Variants in LYRM4 observed in about 807,000 individuals in gnomAD.
LYRM4 encodes LYR motif-containing protein 4.
In LYRM4, 9 loss-of-function variants were observed where a neutral mutation model predicts 11.7. That is an observed-to-expected ratio of 0.77 (90% CI 0.46 to 1.34). The LOEUF is 1.34. Ranked by LOEUF, LYRM4 falls within the 40% of genes most tolerant of loss-of-function variation. The pLI, the probability that LYRM4 is intolerant of heterozygous loss-of-function variation, is 0.00. For synonymous variants in LYRM4, 42 were observed against 40.4 expected (o/e 1.04, Z -0.15); for missense variants, 133 against 112.5 (o/e 1.18, Z -0.82).
intron 2 of LYRM4, among the ~76,000 whole-genome samples, chr6:5,193,635 T>C (rs1187113064): frequency 2.0e-5 from 3 of 152,226 alleles, no homozygotes; most frequent in Non-Finnish European, 4.4e-5. Flanking sequence ...ACTAAAGCTG[T>C]TCTCTAATTA....
intron 1 of LYRM4, among the ~76,000 whole-genome samples, chr6:5,227,969 A>G (rs192644273): frequency 5.7e-4 from 87 of 152,124 alleles, no homozygotes; most frequent in Middle Eastern, 6.8e-3. Flanking sequence ...AACATCACAC[A>G]CCAGGACCTG....
intron 1 of LYRM4, among the ~76,000 whole-genome samples, chr6:5,220,831 G>A (rs555708186): frequency 3.3e-5 from 5 of 152,094 alleles, no homozygotes; most frequent in Non-Finnish European, 7.4e-5. Context: ...CAGACCTCCA[G>A]TTTTAGGTTT....
intron 2 of LYRM4, chr6:5,148,314 G>T (rs1350575731): frequency 6.5e-6 from 1 of 154,898 alleles, no homozygotes; most frequent in Non-Finnish European, 1.5e-5. Context: ...CCACTACCCA[G>T]TGCCTCAATA....
chr6:5,062,521 A>G, the LYRM4 span, among the ~76,000 whole-genome samples: 1 of 151,624 alleles, frequency 6.6e-6, no homozygotes, highest in South Asian at 2.1e-4. Flanking sequence ...CTTCCACATC[A>G]TTGTTTTATT....
intron 2 of LYRM4, chr6:5,186,862 T>C: frequency 2.2e-6 from 1 of 464,068 alleles, no homozygotes; most frequent in Non-Finnish European, 3.6e-6. Flanking sequence ...CGTGCGCCTA[T>C]AATCCCAGCT....
the LYRM4 span, among the ~76,000 whole-genome samples, chr6:5,057,337 C>T: frequency 3.9e-5 from 6 of 152,140 alleles, no homozygotes; most frequent in African/African-American, 1.4e-4. Context: ...CCTTCCCTCT[C>T]CTCCCTGCCC....
the LYRM4 span, among the ~76,000 whole-genome samples, chr6:5,069,123 A>C: frequency 1.3e-5 from 2 of 152,186 alleles, no homozygotes; most frequent in African/African-American, 2.4e-5. Context: ...AACTTTTTGA[A>C]AACCCATTGT....
chr6:5,066,177 C>T, the LYRM4 span: 34 of 665,242 alleles, frequency 5.1e-5, no homozygotes, highest in East Asian at 1.0e-3. Context: ...CATCAAATGA[C>T]GACCAAGCCT....
At chr6:5,098,793 C>G (rs1176923160), downstream of LYRM4, among the ~76,000 whole-genome samples, 1 of 152,238 alleles carries the variant, frequency 6.6e-6, no homozygotes, top group East Asian at 1.9e-4. Flanking sequence ...AACTGTGTCT[C>G]TCCCTTGCTG....
In LYRM4 at chr6:5,239,731, C is replaced by T. The variant is rs537179119; in HGVS notation, c.86+20917G>A. On this transcript the variant is annotated intron_variant, in intron 1 of 2. Coordinates refer to ENST00000330636, the MANE Select transcript of LYRM4 (RefSeq NM_020408.6). The stretch of plus-strand genomic sequence containing the variant: ...CTGACAGCCGGGAGAGTGCACAGAC[C>T]ATTCCCACCAGCTGCAGGCTGTCAG... 9.9e-5 allele frequency among the ~76,000 whole-genome samples: 15 copies of T among 152,254 alleles called. No homozygotes were observed. The South Asian group carries it at 2.9e-3, about 29-fold the overall frequency.
At chr6:5,193,947 G>C (rs1310468375) in intron 2 of LYRM4, among the ~76,000 whole-genome samples, 2 of 151,876 alleles carry the variant, frequency 1.3e-5, no homozygotes, top group African/African-American at 4.8e-5. Flanking sequence ...CTTAATTTCA[G>C]CTGCTTTAAA....
At chr6:5,229,501 G>C (rs981649190) in intron 1 of LYRM4, among the ~76,000 whole-genome samples, 1 of 150,342 alleles carries the variant, frequency 6.7e-6, no homozygotes, top group Admixed American at 6.6e-5. Context: ...TCTCTCCAGG[G>C]CTCAGTGGGT....
chr6:5,040,480 T>C, the LYRM4 span, among the ~76,000 whole-genome samples: 24 of 150,308 alleles, frequency 1.6e-4, no homozygotes, highest in East Asian at 1.4e-3. Flanking sequence ...AGTGGGAAGA[T>C]TGCTTGAGCT....
At chr6:5,129,526 G>C (rs1408686223) in intron 2 of LYRM4, among the ~76,000 whole-genome samples, 1 of 152,092 alleles carries the variant, frequency 6.6e-6, no homozygotes, top group African/African-American at 2.4e-5. Flanking sequence ...TTCTCTCTCT[G>C]TGCAATCAAA....
the LYRM4 span, among the ~76,000 whole-genome samples, chr6:5,056,322 G>A: frequency 6.6e-6 from 1 of 152,200 alleles, no homozygotes; most frequent in Non-Finnish European, 1.5e-5. Flanking sequence ...AGGAAAGAGT[G>A]TCTTTAATGG....
In LYRM4 at chr6:5,154,107, T is replaced by C. The variant is rs181258737; in HGVS notation, c.208-44616A>G. Among the ~76,000 whole-genome samples the C allele has an allele frequency of 1.8e-3, 272 of 152,310 alleles. 1 individual carries two copies. The highest frequency in any genetic ancestry group is 2.8e-3 in the Non-Finnish European group (189 of 68,028). ...CCTATAAATTAGATATTCTAAATCT[T>C]TAAGCCACTAATTTTAATCAATATC... On this transcript the variant is annotated intron_variant, in intron 2 of 2. Transcript: ENST00000330636.
At chr6:5,120,088 G>A (rs1201842681) in intron 2 of LYRM4, among the ~76,000 whole-genome samples, 2 of 151,936 alleles carry the variant, frequency 1.3e-5, no homozygotes, top group Non-Finnish European at 2.9e-5. Context: ...GTAGAGATGG[G>A]GTTTTGCCAT....
Position 5,191,486 on chromosome 6 carries a change from A to T in LYRM4, c.207+25132T>A, listed in dbSNP as rs144736316. Among the ~76,000 whole-genome samples the T allele has an allele frequency of 5.5e-3, 838 of 152,312 alleles. 5 individuals carry two copies. The highest frequency in any genetic ancestry group is 0.031 in the Middle Eastern group (9 of 294). On this transcript the variant is annotated intron_variant, in intron 2 of 2. Transcript: ENST00000330636. ...AAATGTGTTGTGAGAGAGTATTTTC[A>T]CTGTCTTGAGCTAAGGTCATGAGTT...
chr6:5,082,903 T>G, the LYRM4 span, among the ~76,000 whole-genome samples: 1 of 111,894 alleles, frequency 8.9e-6, no homozygotes, highest in Non-Finnish European at 2.1e-5. Context: ...AGCACGTTCT[T>G]CCTTGCAGTC....
Sources: gnomAD v4.1 joint callset for allele counts (sites outside exome capture counted in the v4.1 genomes callset) on GRCh38, gnomAD v4.1.1 for gene constraint, MANE v1.5 for transcripts, NCBI Gene and HGNC (gene_info 2026-07-23, HGNC 2026-07-21) for gene names.